Variants in ZC3HAV1 observed in about 807,000 individuals in gnomAD.
The protein encoded by ZC3HAV1 is zinc finger CCCH-type antiviral protein 1.
In ZC3HAV1, 41 loss-of-function variants were observed where a neutral mutation model predicts 86.6. That is an observed-to-expected ratio of 0.47 (90% confidence interval 0.37 to 0.61). ZC3HAV1 has a LOEUF of 0.61. ZC3HAV1 is among the 20% of genes least tolerant of loss of function. The pLI is 0.00. For synonymous variants in ZC3HAV1, 421 were observed against 432.1 expected (o/e 0.97, Z 0.32); for missense variants, 964 against 1,141.1 (o/e 0.84, Z 2.24).
intron 1 of ZC3HAV1, among the ~76,000 whole-genome samples, chr7:139,098,448 G>A (rs1435839327): frequency 1.3e-5 from 2 of 152,100 alleles, no homozygotes; most frequent in Admixed American, 6.5e-5. Context: ...GTTAGGAAAC[G>A]ATTTCCCTTA....
chr7:139,088,031 CAAAAA>C (rs10544425), intron 2 of ZC3HAV1, among the ~76,000 whole-genome samples: 2 of 57,876 alleles, frequency 3.5e-5, no homozygotes, highest in African/African-American at 1.2e-4. Context: ...GATCCTGTCT[CAAAAA>C]AAAAAAAAAA....
intron 6 of ZC3HAV1, among the ~76,000 whole-genome samples, chr7:139,075,328 A>G (rs1311505209): frequency 6.6e-6 from 1 of 152,240 alleles, no homozygotes; most frequent in East Asian, 1.9e-4. Context: ...TTCCCCCTTA[A>G]GAATTTCCTT....
intron 2 of ZC3HAV1, among the ~76,000 whole-genome samples, chr7:139,086,017 GA>G (rs10716830): frequency 0.063 from 8,742 of 137,752 alleles, 266 homozygotes; most frequent in Admixed American, 0.075. Context: ...TCTCAAAAAA[GA>G]AAAAAAAAAA....
intron 12 of ZC3HAV1, among the ~76,000 whole-genome samples, chr7:139,048,792 T>C (rs556770343): frequency 1.1e-4 from 16 of 152,254 alleles, no homozygotes; most frequent in East Asian, 3.9e-4. Flanking sequence ...AGTTAGATGT[T>C]TGAATTCCAG....
chr7:139,079,040 C>T, intron 4 of ZC3HAV1: 3 of 1,517,916 alleles, frequency 2.0e-6, no homozygotes, highest in Non-Finnish European at 2.6e-6. Flanking sequence ...GGAAAAACCA[C>T]CAGCCATAGC....
intron 1 of ZC3HAV1, among the ~76,000 whole-genome samples, chr7:139,094,046 C>T (rs1187975865): frequency 1.3e-5 from 2 of 152,142 alleles, no homozygotes; most frequent in African/African-American, 2.4e-5. Context: ...AATTTGGTCC[C>T]TAGGCCAACA....
Position 139,055,303 on chromosome 7 carries a change from TA to T in ZC3HAV1, c.2097-9del. 5 of 1,609,740 alleles carry T rather than the reference TA, an allele frequency of 3.1e-6. No homozygotes were observed. Among genetic ancestry groups the T allele is most frequent in the Non-Finnish European group, 4.2e-6 (5 of 1,176,802 alleles). ...GTCTTTGCTGGCTGATGGCTACAAA[TA>T]AAGAGAAAGAATTCACTTAACTCTC... On this transcript the variant is annotated splice_polypyrimidine_tract_variant and intron_variant, in intron 9 of 12. Coordinates refer to ENST00000242351, the MANE Select transcript of ZC3HAV1 (RefSeq NM_020119.4).
rs528280393 is a variant in ZC3HAV1, at chr7:139,107,492, T to C, written c.308+1532A>G. Among the ~76,000 whole-genome samples the C allele has an allele frequency of 3.9e-5, 6 of 152,328 alleles. No individual in the cohort carries two copies. The East Asian group carries it at 1.2e-3, about 29-fold the overall frequency. On this transcript the variant is annotated intron_variant, in intron 1 of 12. Coordinates refer to ENST00000242351, the MANE Select transcript of ZC3HAV1 (RefSeq NM_020119.4). ...TGGGGGTGAGTGACTGGAGTTTTTGTTAGGTGCGTGATCAAAAGTTTGCCG... is the reference window on the plus strand; with the variant it reads ...TGGGGGTGAGTGACTGGAGTTTTTGCTAGGTGCGTGATCAAAAGTTTGCCG...
At position 139,045,665 on chromosome 7, in the gene ZC3HAV1, G is replaced by A. The variant is rs1815933928; in HGVS notation, c.*1929C>T. ...GAGAGAGGAACAGGTTCATGTGAGG[G>A]AGGTAGATGGAGAGTTCCACTTTGG... On this transcript the variant is annotated 3_prime_UTR_variant, in exon 13 of 13. Transcript: ENST00000242351. 1 of 152,090 alleles carries A rather than the reference G, an allele frequency of 6.6e-6. No homozygotes were observed. Among genetic ancestry groups the A allele is most frequent in the African/African-American group, 2.4e-5 (1 of 41,414 alleles). The allele number at this position is 152,090 out of a possible 1,614,324, so 9.4% of individuals were successfully genotyped here.
Position 139,044,888 on chromosome 7 carries a change from T to C in ZC3HAV1, c.*2706A>G, listed in dbSNP as rs1214330561. 6.6e-6 allele frequency: 1 copy of C among 152,420 alleles called. No individual in the cohort carries two copies. The highest frequency in any genetic ancestry group is 1.5e-5 in the Non-Finnish European group (1 of 68,044). The allele number at this position is 152,420 out of a possible 1,614,324, so 9.4% of individuals were successfully genotyped here. On this transcript the variant is annotated 3_prime_UTR_variant, in exon 13 of 13. Coordinates refer to ENST00000242351, the MANE Select transcript of ZC3HAV1 (RefSeq NM_020119.4). ...AAAGGTTATTTCGTTCTTTCTCTTA[T>C]ATACAAATAAGTATTGTCATATGCA...
At position 139,108,455 on chromosome 7, in the gene ZC3HAV1, C is replaced by T. The variant is rs1489091421; in HGVS notation, c.308+569G>A. Reference sequence around the variant, plus strand: ...CTTCAGGAACCTGGAAAAGGGCCACCCCTGCTACGCGCCAGGCATCAGAAA... The same window carrying T: ...CTTCAGGAACCTGGAAAAGGGCCACTCCTGCTACGCGCCAGGCATCAGAAA... On this transcript the variant is annotated intron_variant, in intron 1 of 12. Coordinates refer to ENST00000242351, the MANE Select transcript of ZC3HAV1 (RefSeq NM_020119.4). The surrounding 1 kb of genome is among the most constrained non-coding windows in gnomAD (Gnocchi z 4.2). 6.6e-6 allele frequency among the ~76,000 whole-genome samples: 1 copy of T among 151,950 alleles called. No homozygotes were observed. The highest frequency in any genetic ancestry group is 6.6e-5 in the Admixed American group (1 of 15,246).
intron 2 of ZC3HAV1, 26 bp downstream of exon 2, chr7:139,089,598 C>T (rs1817372200): frequency 6.3e-7 from 1 of 1,591,180 alleles, no homozygotes; most frequent in Non-Finnish European, 8.5e-7. Context: ...TATTCTCCCT[C>T]CTTAAACTGA....
At chr7:139,089,080 C>T (rs1384924097) in intron 2 of ZC3HAV1, among the ~76,000 whole-genome samples, 2 of 111,950 alleles carry the variant, frequency 1.8e-5, no homozygotes, top group Non-Finnish European at 3.3e-5. Context: ...CCAGCCTGCG[C>T]AACACAGCGA....
chr7:139,047,470 A>T lies in ZC3HAV1; in HGVS notation c.*124T>A, dbSNP rs541530592. The stretch of plus-strand genomic sequence containing the variant: ...TAATATGTAGCAAAATTTGGGGACC[A>T]CTGATCTAAGACATTAGATAACTGA... On this transcript the variant is annotated 3_prime_UTR_variant, in exon 13 of 13. Coordinates refer to ENST00000242351, the MANE Select transcript of ZC3HAV1 (RefSeq NM_020119.4). 7.2e-7 allele frequency: 1 copy of T among 1,388,966 alleles called. No homozygotes were observed. The highest frequency in any genetic ancestry group is 1.5e-5 in the African/African-American group (1 of 68,358). 86.0% of individuals were successfully genotyped at this position (1,388,966 alleles called of 1,614,324 possible).
At chr7:139,067,497 A>C (rs1816638983) in intron 7 of ZC3HAV1, among the ~76,000 whole-genome samples, 1 of 152,074 alleles carries the variant, frequency 6.6e-6, no homozygotes, top group African/African-American at 2.4e-5. Flanking sequence ...TTTTGGCTGG[A>C]CCTGAGCATT....
intron 1 of ZC3HAV1, among the ~76,000 whole-genome samples, chr7:139,090,591 T>C (rs866155492): frequency 2.0e-5 from 3 of 152,202 alleles, no homozygotes; most frequent in Non-Finnish European, 4.4e-5. Flanking sequence ...GAATTTAAAT[T>C]TTTCTTTTAA....
At chr7:139,064,792 A>G in intron 8 of ZC3HAV1, 87 bp downstream of exon 8, 1 of 1,597,640 alleles carries the variant, frequency 6.3e-7, no homozygotes, top group Non-Finnish European at 8.5e-7. Flanking sequence ...TGGCCATAGC[A>G]ATGCATACCC....
Position 139,102,728 on chromosome 7 carries a change from TACACACACAC to T in ZC3HAV1, c.308+6286_308+6295del, listed in dbSNP as rs113108708. ...GCAAAATAGTGAGACACTGTCTCTATACACACACACACACACACACACACACACACACACA... is the reference window on the plus strand; with the variant it reads ...GCAAAATAGTGAGACACTGTCTCTATACACACACACACACACACACACACA... On this transcript the variant is annotated intron_variant, in intron 1 of 12. Coordinates refer to ENST00000242351, the MANE Select transcript of ZC3HAV1 (RefSeq NM_020119.4). Among the ~76,000 whole-genome samples the T allele has an allele frequency of 1.4e-3, 200 of 139,414 alleles. 1 individual carries two copies. The highest frequency in any genetic ancestry group is 7.7e-3 in the South Asian group (34 of 4,398). 91.5% of individuals were successfully genotyped at this position (139,414 alleles called of 152,430 possible).
At chr7:139,081,510 A>C (rs1040253860) in intron 3 of ZC3HAV1, among the ~76,000 whole-genome samples, 12 of 152,216 alleles carry the variant, frequency 7.9e-5, no homozygotes, top group Admixed American at 7.9e-4. Context: ...TCCTCTGTTC[A>C]GAGGGAACTG....
Sources: gnomAD v4.1 joint callset for allele counts (sites outside exome capture counted in the v4.1 genomes callset) on GRCh38, gnomAD v4.1.1 for gene constraint, Gnocchi (gnomAD v3.1) non-coding constraint, MANE v1.5 for transcripts, NCBI Gene and HGNC (gene_info 2026-07-23, HGNC 2026-07-21) for gene names.